Variants in PDZRN3 observed in about 807,000 individuals in gnomAD.
PDZRN3 encodes the protein E3 ubiquitin-protein ligase PDZRN3.
In PDZRN3, 38 loss-of-function variants were observed where a neutral mutation model predicts 85.7. The observed-to-expected ratio is 0.44, with a 90% confidence interval of 0.34 to 0.58. PDZRN3 has a LOEUF of 0.58. PDZRN3 is among the 20% of genes least tolerant of loss of function. The pLI is 0.01. For synonymous variants in PDZRN3, 759 were observed against 638.0 expected, an observed-to-expected ratio of 1.19 and a Z score of -2.86; for missense variants, 1,629 against 1,506.4, an observed-to-expected ratio of 1.08 and a Z score of -1.35.
intron 3 of PDZRN3, among the ~76,000 whole-genome samples, chr3:73,511,357 G>T (rs994522879): frequency 2.0e-5 from 3 of 152,130 alleles, no homozygotes; most frequent in Admixed American, 2.0e-4. Flanking sequence ...CTAGAAAAAA[G>T]ATCATCCTTT....
At chr3:73,584,464 T>G (rs1427514784) in intron 3 of PDZRN3, among the ~76,000 whole-genome samples, 13 of 73,120 alleles carry the variant, frequency 1.8e-4, no homozygotes, top group South Asian at 5.9e-4. Flanking sequence ...TGTGTGTGTG[T>G]GTGTGTGTGT....
intron 3 of PDZRN3, among the ~76,000 whole-genome samples, chr3:73,578,194 C>T (rs1486962487): frequency 2.9e-5 from 4 of 138,960 alleles, no homozygotes; most frequent in Admixed American, 7.6e-5. Context: ...GACGGAGTCT[C>T]GCTCTGTTGC....
intron 3 of PDZRN3, among the ~76,000 whole-genome samples, chr3:73,417,592 G>A (rs1275061981): frequency 8.5e-5 from 13 of 152,146 alleles, no homozygotes; most frequent in Admixed American, 8.5e-4. Context: ...TAGGCTAGAG[G>A]AGAAAATATT....
Position 73,578,270 on chromosome 3 carries a change from C to T in PDZRN3, c.918+24084G>A, listed in dbSNP as rs563135761. 4.3e-3 allele frequency among the ~76,000 whole-genome samples: 647 copies of T among 151,646 alleles called. 2 individuals are homozygous for T. The highest frequency in any genetic ancestry group is 4.8e-3 in the Non-Finnish European group (326 of 67,906). On this transcript the variant is annotated intron_variant, in intron 3 of 9. Transcript: ENST00000263666. Reference sequence around the variant, plus strand: ...CTACAAGCTCCACCTCCCAGGTCCACGCGATTCTCCTGCCTCAGCCTCCGA... The same window carrying T: ...CTACAAGCTCCACCTCCCAGGTCCATGCGATTCTCCTGCCTCAGCCTCCGA...
At chr3:73,421,621 A>G (rs1034793192) in intron 3 of PDZRN3, among the ~76,000 whole-genome samples, 5 of 152,190 alleles carry the variant, frequency 3.3e-5, no homozygotes, top group African/African-American at 1.2e-4. Flanking sequence ...TCACCTTGAT[A>G]CCTCAATTTA....
chr3:73,563,834 AG>A (rs774890557), intron 3 of PDZRN3, among the ~76,000 whole-genome samples: 23 of 152,202 alleles, frequency 1.5e-4, no homozygotes, highest in Non-Finnish European at 2.9e-4. Flanking sequence ...TGGGGCCCAG[AG>A]GGGGAAAACA....
At chr3:73,508,930 T>C (rs1704115483) in intron 3 of PDZRN3, among the ~76,000 whole-genome samples, 1 of 152,210 alleles carries the variant, frequency 6.6e-6, no homozygotes, top group African/African-American at 2.4e-5. Context: ...TCTATTTATA[T>C]ATTATGCCTA....
At chr3:73,569,293 C>T (rs1559742564) in intron 3 of PDZRN3, 18 of 1,244,660 alleles carry the variant, frequency 1.4e-5, no homozygotes, top group Non-Finnish European at 1.8e-5. Context: ...GACTGAGATA[C>T]TGAGATTCTC....
intron 3 of PDZRN3, chr3:73,474,639 G>C: frequency 1.7e-6 from 2 of 1,205,636 alleles, no homozygotes; most frequent in Non-Finnish European, 2.1e-6. Flanking sequence ...TGCTATGGTT[G>C]TGGCAAGGGT....
chr3:73,412,335 A>G (rs1701990693), intron 3 of PDZRN3, among the ~76,000 whole-genome samples: 1 of 152,196 alleles, frequency 6.6e-6, no homozygotes. Flanking sequence ...TGTTTTCATC[A>G]GAGTCTAGAA....
intron 3 of PDZRN3, among the ~76,000 whole-genome samples, chr3:73,451,562 G>C (rs902950596): frequency 6.6e-6 from 1 of 152,140 alleles, no homozygotes; most frequent in African/African-American, 2.4e-5. Flanking sequence ...GTGCCAAACA[G>C]GGTCACTAAA....
chr3:73,621,430 A>G (rs998065469), intron 1 of PDZRN3, among the ~76,000 whole-genome samples: 9 of 152,248 alleles, frequency 5.9e-5, no homozygotes, highest in African/African-American at 2.2e-4. Flanking sequence ...AATGTTGCAC[A>G]TGAGAGTTTC....
intron 3 of PDZRN3, among the ~76,000 whole-genome samples, chr3:73,559,508 G>A (rs1258739626): frequency 1.3e-5 from 2 of 152,158 alleles, no homozygotes; most frequent in Non-Finnish European, 2.9e-5. Flanking sequence ...TGGTGTGAAA[G>A]TGTCTTAAAC....
rs1451042654 is a variant in PDZRN3 at position 73,624,931 on chromosome 3, C to T, written c.-106G>A. Reference sequence around the variant, plus strand: ...TACGCCGCCCGCGCGCTCGCTGGCTCTCCCCGGACTGAGCCTAATTGATCC... The same window carrying T: ...TACGCCGCCCGCGCGCTCGCTGGCTTTCCCCGGACTGAGCCTAATTGATCC... On this transcript the variant is annotated 5_prime_UTR_variant, in exon 1 of 10. Coordinates refer to ENST00000263666, the MANE Select transcript of PDZRN3 (RefSeq NM_015009.3). 9 of 842,228 alleles carry T rather than the reference C, an allele frequency of 1.1e-5. No individual in the cohort carries two copies. In the African/African-American group the frequency reaches 1.2e-4, roughly 12 times the overall value. The allele number at this position is 842,228 out of a possible 1,614,324, so 52.2% of individuals were successfully genotyped here. A position where few individuals can be genotyped will look rare whatever the true frequency, so the allele number is the denominator to read the frequency against.
intron 3 of PDZRN3, among the ~76,000 whole-genome samples, chr3:73,572,386 T>C (rs1431283661): frequency 1.3e-5 from 2 of 152,220 alleles, no homozygotes; most frequent in African/African-American, 2.4e-5. Flanking sequence ...TATTCCAGTA[T>C]ACTCTAAGTT....
chr3:73,384,230 AAGG>A lies in PDZRN3; in HGVS notation c.2333_2335del (p.Ser778del), dbSNP rs1303672453. The A allele has an allele frequency of 1.2e-6, 2 of 1,613,638 alleles. No homozygotes were observed. The highest frequency in any genetic ancestry group is 2.2e-5 in the South Asian group (2 of 91,076). On this transcript the variant is annotated inframe_deletion, in exon 10 of 10. Coordinates refer to ENST00000263666, the MANE Select transcript of PDZRN3 (RefSeq NM_015009.3). Reference sequence around the variant, plus strand: ...GCTGATGCCCTCCGCCGCTCTCCTCAAGGAGTTGTCGGGGGAGATCTCCAGGGT... The same window carrying A: ...GCTGATGCCCTCCGCCGCTCTCCTCAAGTTGTCGGGGGAGATCTCCAGGGT...
chr3:73,521,690 T>C (rs1348070375), intron 3 of PDZRN3, among the ~76,000 whole-genome samples: 4 of 152,118 alleles, frequency 2.6e-5, no homozygotes, highest in African/African-American at 9.7e-5. Flanking sequence ...ATTCTTCTTA[T>C]TATTATTATT....
intron 3 of PDZRN3, among the ~76,000 whole-genome samples, chr3:73,519,590 C>G (rs7619021): frequency 6.6e-6 from 1 of 152,092 alleles, no homozygotes; most frequent in East Asian, 1.9e-4. Context: ...AATGGAGATA[C>G]CCCCAGCTTT....
At chr3:73,522,142 C>T (rs1172279908) in intron 3 of PDZRN3, among the ~76,000 whole-genome samples, 1 of 152,192 alleles carries the variant, frequency 6.6e-6, no homozygotes, top group East Asian at 1.9e-4. Context: ...TTTCATGCCA[C>T]GTCAGTAGTG....
Sources: allele counts gnomAD v4.1 joint callset (sites outside exome capture counted in the v4.1 genomes callset), GRCh38; gene constraint gnomAD v4.1.1; transcripts MANE v1.5; gene names NCBI Gene and HGNC (gene_info 2026-07-23, HGNC 2026-07-21).